Variants in ACER3 observed in about 807,000 individuals in gnomAD.
The protein encoded by ACER3 is alkCDase 3.
In ACER3, 16 loss-of-function variants were observed where a neutral mutation model predicts 48.9. That is an observed-to-expected ratio of 0.33 (90% CI 0.22 to 0.50). The LOEUF is 0.50. Among genes scored for constraint, ACER3 ranks in the 20% least tolerant of loss-of-function variants. The pLI is 0.98. For synonymous variants in ACER3, 109 were observed against 107.8 expected (o/e 1.01, Z -0.07); for missense variants, 227 against 326.0 (o/e 0.70, Z 2.34).
At chr11:76,916,662 A>G (rs191182189) in intron 1 of ACER3, among the ~76,000 whole-genome samples, 5 of 152,346 alleles carry the variant, frequency 3.3e-5, no homozygotes, top group Admixed American at 2.0e-4. Context: ...GGGATTATCA[A>G]AATAACCATT....
At chr11:76,868,385 CTCTCTCTGTGTGTGTGTG>C (rs1945153602) in intron 1 of ACER3, 1 of 544,742 alleles carries the variant, frequency 1.8e-6, no homozygotes, top group Non-Finnish European at 2.7e-6. Flanking sequence ...ATCTCTCTCT[CTCTCTCTGTGTGTGTGTG>C]TGTGTGTGTG....
chr11:76,928,238 T>C (rs1946886146), intron 2 of ACER3, among the ~76,000 whole-genome samples: 1 of 152,252 alleles, frequency 6.6e-6, no homozygotes, highest in Non-Finnish European at 1.5e-5. Context: ...TTCATGTGTT[T>C]TTGGGCTGCA....
intron 2 of ACER3, among the ~76,000 whole-genome samples, chr11:76,928,729 A>G (rs1003366344): frequency 1.8e-4 from 28 of 152,246 alleles, no homozygotes; most frequent in Admixed American, 5.2e-4. Context: ...TCCTTTCCCC[A>G]TTTCTTGTTT....
rs906337459 is a variant in ACER3, at chr11:76,965,984, A to G, written c.267+6953A>G. On this transcript the variant is annotated intron_variant, in intron 3 of 10. Coordinates refer to ENST00000532485, the MANE Select transcript of ACER3 (RefSeq NM_018367.7). ...TATTAACCTTAAATGTAAATGGGCT[A>G]AATGCTCCAATTAAAAGACACAGGC... is the stretch of plus-strand genomic sequence containing the variant. Among the ~76,000 whole-genome samples the G allele has an allele frequency of 1.7e-4, 26 of 151,390 alleles. 3 individuals carry two copies. The highest frequency in any genetic ancestry group is 6.1e-4 in the African/African-American group (25 of 40,652).
At chr11:76,972,312 G>A (rs1472563917) in intron 3 of ACER3, among the ~76,000 whole-genome samples, 10 of 152,174 alleles carry the variant, frequency 6.6e-5, no homozygotes, top group Non-Finnish European at 7.4e-5. Flanking sequence ...CTCTCATTGT[G>A]GCTTTGATTT....
At position 77,018,115 on chromosome 11, in the gene ACER3, C is replaced by T. The variant is rs544433277; in HGVS notation, c.704+1336C>T. ...CCACCCTGCCTGGCTAATTTTTGTG[C>T]TTTTAGTAGAGACAGGCTTTCACCA... On this transcript the variant is annotated intron_variant, in intron 9 of 10. Transcript: ENST00000532485. Among the ~76,000 whole-genome samples, 13 of 151,836 alleles carry T rather than the reference C, an allele frequency of 8.6e-5. No individual in the cohort carries two copies. The East Asian group carries it at 1.7e-3, about 20-fold the overall frequency.
At chr11:76,915,710 A>G (rs977895320) in intron 1 of ACER3, among the ~76,000 whole-genome samples, 2 of 152,252 alleles carry the variant, frequency 1.3e-5, no homozygotes, top group Admixed American at 6.5e-5. Context: ...ATTGACTCAC[A>G]GTTCCACATG....
intron 3 of ACER3, among the ~76,000 whole-genome samples, chr11:76,961,226 A>T (rs1947986819): frequency 6.6e-6 from 1 of 152,210 alleles, no homozygotes; most frequent in Non-Finnish European, 1.5e-5. Flanking sequence ...AATACGGAAA[A>T]GATGAAAACT....
chr11:76,878,718 G>T (rs1945448260), intron 1 of ACER3, among the ~76,000 whole-genome samples: 1 of 152,080 alleles, frequency 6.6e-6, no homozygotes, highest in South Asian at 2.1e-4. Flanking sequence ...GTTAGGGTTG[G>T]TTTATGTTTA....
chr11:76,880,465 G>C (rs1459323487), intron 1 of ACER3, among the ~76,000 whole-genome samples: 1 of 152,202 alleles, frequency 6.6e-6, no homozygotes, highest in African/African-American at 2.4e-5. Context: ...CTACTTGGTA[G>C]CATCAGATCC....
At chr11:76,910,956 T>C (rs1240514524) in intron 1 of ACER3, among the ~76,000 whole-genome samples, 1 of 152,186 alleles carries the variant, frequency 6.6e-6, no homozygotes, top group African/African-American at 2.4e-5. Flanking sequence ...TACGTGATTA[T>C]AGGAAAATCA....
intron 1 of ACER3, among the ~76,000 whole-genome samples, chr11:76,864,814 G>A (rs1945032490): frequency 7.1e-6 from 1 of 140,080 alleles, no homozygotes; most frequent in Non-Finnish European, 1.6e-5. Context: ...TGGCCAGGCT[G>A]GTCTCGAACT....
chr11:76,959,854 G>A (rs1565200483), intron 3 of ACER3, among the ~76,000 whole-genome samples: 1 of 151,890 alleles, frequency 6.6e-6, no homozygotes, highest in Admixed American at 6.6e-5. Context: ...GCACCCGGCC[G>A]TTAGTGTTAA....
chr11:76,932,875 A>G (rs1264863378), intron 2 of ACER3, among the ~76,000 whole-genome samples: 5 of 152,188 alleles, frequency 3.3e-5, no homozygotes, highest in Non-Finnish European at 7.3e-5. Context: ...AAAAGTAGCA[A>G]TAGAAAGATA....
rs1350100312 is a variant in ACER3 at position 76,899,448 on chromosome 11, T to C, written c.104-27109T>C. 2.0e-5 allele frequency among the ~76,000 whole-genome samples: 3 copies of C among 152,324 alleles called. No individual in the cohort carries two copies. The South Asian group carries it at 6.2e-4, about 32-fold the overall frequency. ...ATTTGGAATATCAGTTGGAAACATATCCTTTCATCATCGAAATCTTAGTCA... is the reference window on the plus strand; with the variant it reads ...ATTTGGAATATCAGTTGGAAACATACCCTTTCATCATCGAAATCTTAGTCA... On this transcript the variant is annotated intron_variant, in intron 1 of 10. Transcript: ENST00000532485.
chr11:76,939,255 A>G (rs947016695), intron 2 of ACER3, among the ~76,000 whole-genome samples: 7 of 152,366 alleles, frequency 4.6e-5, no homozygotes, highest in African/African-American at 1.7e-4. Flanking sequence ...TTTGGTCAAC[A>G]AGATAATTAC....
chr11:77,009,821 A>G (rs1358598526), intron 7 of ACER3, among the ~76,000 whole-genome samples: 1 of 151,138 alleles, frequency 6.6e-6, no homozygotes, highest in South Asian at 2.1e-4. Context: ...AATAAAAAGA[A>G]AGAGAGAGAG....
chr11:76,988,344 T>C (rs1948727866), intron 5 of ACER3, among the ~76,000 whole-genome samples: 1 of 152,192 alleles, frequency 6.6e-6, no homozygotes, highest in Admixed American at 6.5e-5. Flanking sequence ...CTCATGCTGC[T>C]ATAAAGAAAT....
chr11:76,922,481 A>G (rs1436421268), intron 1 of ACER3, among the ~76,000 whole-genome samples: 1 of 152,070 alleles, frequency 6.6e-6, no homozygotes, highest in Non-Finnish European at 1.5e-5. Context: ...TGCTGTTTGG[A>G]TATATAACTC....
Sources: allele counts gnomAD v4.1 joint callset (sites outside exome capture counted in the v4.1 genomes callset), GRCh38; gene constraint gnomAD v4.1.1; transcripts MANE v1.5; gene names NCBI Gene and HGNC (gene_info 2026-07-23, HGNC 2026-07-21).